EXOC2: variants seen among roughly 807,000 people sequenced by gnomAD.
The protein encoded by EXOC2 is exocyst complex component 2.
In EXOC2, 70 loss-of-function variants were observed where a neutral mutation model predicts 131.8. The ratio of observed to expected loss-of-function variants is 0.53; its 90% CI spans 0.44 to 0.65. The LOEUF is 0.65. Ranked by LOEUF, EXOC2 falls within the 30% of genes least tolerant of loss-of-function variation. The pLI is 0.00. For synonymous variants in EXOC2, 411 were observed against 398.4 expected (o/e 1.03, Z -0.38); for missense variants, 923 against 1,108.6 (o/e 0.83, Z 2.38).
At chr6:547,459 G>T (rs1442086484) in intron 22 of EXOC2, among the ~76,000 whole-genome samples, 1 of 152,170 alleles carries the variant, frequency 6.6e-6, no homozygotes, top group Non-Finnish European at 1.5e-5. Context: ...AACAGAGAGG[G>T]AATGAATAAG....
At chr6:640,227 G>C (rs1353181878) in intron 1 of EXOC2, among the ~76,000 whole-genome samples, 1 of 152,182 alleles carries the variant, frequency 6.6e-6, no homozygotes, top group African/African-American at 2.4e-5. Context: ...GTAGGTAAGG[G>C]AACTTCAGAT....
At chr6:683,352 G>A (rs929970559) in intron 1 of EXOC2, among the ~76,000 whole-genome samples, 12 of 152,124 alleles carry the variant, frequency 7.9e-5, no homozygotes, top group Admixed American at 1.3e-4. Flanking sequence ...GAATGAGAGA[G>A]GAACAAAATC....
chr6:670,347 GA>G (rs778228062), intron 1 of EXOC2: 6 of 152,232 alleles, frequency 3.9e-5, no homozygotes, highest in Non-Finnish European at 7.3e-5. Context: ...AATTTAGGCA[GA>G]GCCAGGGACG....
intron 12 of EXOC2, among the ~76,000 whole-genome samples, chr6:573,500 C>T (rs1758404467): frequency 6.6e-6 from 1 of 152,160 alleles, no homozygotes; most frequent in Non-Finnish European, 1.5e-5. Context: ...GGATCAGGCT[C>T]TAACTCCTAC....
intron 23 of EXOC2, among the ~76,000 whole-genome samples, chr6:521,362 A>G (rs1246822865): frequency 6.6e-6 from 1 of 152,232 alleles, no homozygotes; most frequent in Non-Finnish European, 1.5e-5. Context: ...ACACTCGGAG[A>G]CAAAAACAGA....
intron 1 of EXOC2, among the ~76,000 whole-genome samples, chr6:654,581 C>T (rs1762974666): frequency 6.6e-6 from 1 of 151,436 alleles, no homozygotes; most frequent in Non-Finnish European, 1.5e-5. Flanking sequence ...GGGAGGATTG[C>T]TTGAGGACAG....
In EXOC2 at chr6:506,951, G is replaced by A. The variant is rs1476954959; in HGVS notation, c.2381-7251C>T. The stretch of plus-strand genomic sequence containing the variant: ...TGGCACACTATTAAAAATACTTCCT[G>A]AGTGTCCATTATTATTACATGCAGG... On this transcript the variant is annotated intron_variant, in intron 23 of 27. Transcript: ENST00000230449. The surrounding 1 kb of genome is among the most constrained non-coding windows in gnomAD (Gnocchi z 4.4). Among the ~76,000 whole-genome samples, 1 of 151,972 alleles carries A rather than the reference G, an allele frequency of 6.6e-6. No homozygotes were observed.
chr6:691,695 G>A (rs1764934160), intron 1 of EXOC2, among the ~76,000 whole-genome samples: 3 of 152,148 alleles, frequency 2.0e-5, no homozygotes, highest in Admixed American at 1.3e-4. Context: ...GACTGCGTGG[G>A]CACCCCTAAC....
Position 499,564 on chromosome 6 carries a change from T to C in EXOC2, c.2436+81A>G, listed in dbSNP as rs540151813. 4.0e-4 allele frequency: 509 copies of C among 1,260,962 alleles called. 1 individual carries two copies. In the African/African-American group the frequency reaches 6.4e-3, roughly 16 times the overall value. 78.1% of individuals were successfully genotyped at this position (1,260,962 alleles called of 1,614,324 possible). ...TTCTGAGGGAAAAAAAAGACCACCA[T>C]AGAAATAATCAAATTTACATCTTTC... On this transcript the variant is annotated intron_variant, in intron 24 of 27. Coordinates refer to ENST00000230449, the MANE Select transcript of EXOC2 (RefSeq NM_018303.6).
At chr6:528,479 T>C (rs1383281379) in intron 23 of EXOC2, among the ~76,000 whole-genome samples, 2 of 152,176 alleles carry the variant, frequency 1.3e-5, no homozygotes, top group Non-Finnish European at 2.9e-5. Flanking sequence ...TGAGGTTCAG[T>C]TAGTAATCAT....
intron 1 of EXOC2, chr6:657,170 C>T (rs1763171966): frequency 5.0e-6 from 2 of 399,502 alleles, no homozygotes; most frequent in South Asian, 1.0e-4. Flanking sequence ...CACCTTCCCT[C>T]CAGCCCTCTC....
At chr6:498,634 C>A (rs1180572513) in intron 24 of EXOC2, among the ~76,000 whole-genome samples, 1 of 152,170 alleles carries the variant, frequency 6.6e-6, no homozygotes, top group East Asian at 1.9e-4. Context: ...GCTCTTGGCG[C>A]TTCAAACTTC....
At chr6:606,918 T>G (rs1043551265) in intron 7 of EXOC2, among the ~76,000 whole-genome samples, 1 of 152,214 alleles carries the variant, frequency 6.6e-6, no homozygotes, top group Non-Finnish European at 1.5e-5. Context: ...GATCATCCAT[T>G]TTTGTAAAAT....
rs372483873 is a variant in EXOC2, at chr6:643,300, T to C, written c.-43-5439A>G. On this transcript the variant is annotated intron_variant, in intron 1 of 27. Coordinates refer to ENST00000230449, the MANE Select transcript of EXOC2 (RefSeq NM_018303.6). ...CTCCTTTTCAGGTGCTCATGGAATGTTCACCAAGATAGACGATATGCTGGG... is the reference window on the plus strand; with the variant it reads ...CTCCTTTTCAGGTGCTCATGGAATGCTCACCAAGATAGACGATATGCTGGG... Among the ~76,000 whole-genome samples the C allele has an allele frequency of 3.3e-5, 5 of 152,256 alleles. No homozygotes were observed. The South Asian group carries it at 1.0e-3, about 32-fold the overall frequency.
At chr6:656,051 T>C in intron 1 of EXOC2, 1 of 1,271,204 alleles carries the variant, frequency 7.9e-7, no homozygotes, top group Non-Finnish European at 1.1e-6. Context: ...ACTCAGGGTC[T>C]GTTTTAGTTT....
chr6:613,402 T>G (rs1047007590), intron 6 of EXOC2, among the ~76,000 whole-genome samples: 23 of 151,480 alleles, frequency 1.5e-4, no homozygotes, highest in Non-Finnish European at 3.1e-4. Context: ...GGGTATGAAA[T>G]AGTCCACTGG....
At chr6:640,125 T>C (rs1762288132) in intron 1 of EXOC2, among the ~76,000 whole-genome samples, 1 of 152,230 alleles carries the variant, frequency 6.6e-6, no homozygotes, top group Non-Finnish European at 1.5e-5. Flanking sequence ...TCTCTTTTTC[T>C]ATGATATGAG....
In EXOC2 at chr6:648,169, C is replaced by A. The variant is rs565429530; in HGVS notation, c.-43-10308G>T. 2.0e-5 allele frequency among the ~76,000 whole-genome samples: 3 copies of A among 152,290 alleles called. No individual in the cohort carries two copies. The East Asian group carries it at 5.8e-4, about 29-fold the overall frequency. On this transcript the variant is annotated intron_variant, in intron 1 of 27. Coordinates refer to ENST00000230449, the MANE Select transcript of EXOC2 (RefSeq NM_018303.6). ...CCAACAGTGCCTGCGACATAATATACACTCAGTAATTTGTGAATGAACTAT... is the reference window on the plus strand; with the variant it reads ...CCAACAGTGCCTGCGACATAATATAAACTCAGTAATTTGTGAATGAACTAT...
At position 506,457 on chromosome 6, in the gene EXOC2, T is replaced by A. The variant is rs1396969844; in HGVS notation, c.2381-6757A>T. ...GGCAAACGGATTTGCTCCTTGGAGT[T>A]AAAGGCTACATTATTATGCTGCAGT... On this transcript the variant is annotated intron_variant, in intron 23 of 27. Coordinates refer to ENST00000230449, the MANE Select transcript of EXOC2 (RefSeq NM_018303.6). The surrounding 1 kb of genome is among the most constrained non-coding windows in gnomAD (Gnocchi z 4.4). Among the ~76,000 whole-genome samples, 1 of 152,196 alleles carries A rather than the reference T, an allele frequency of 6.6e-6. No homozygotes were observed. The highest frequency in any genetic ancestry group is 1.5e-5 in the Non-Finnish European group (1 of 68,028).
Sources: gnomAD v4.1 joint callset for allele counts (sites outside exome capture counted in the v4.1 genomes callset) on GRCh38, gnomAD v4.1.1 for gene constraint, Gnocchi (gnomAD v3.1) non-coding constraint, MANE v1.5 for transcripts, NCBI Gene and HGNC (gene_info 2026-07-23, HGNC 2026-07-21) for gene names.